The following NUTF2 variants were observed in gnomAD, a reference collection of about 807,000 sequenced individuals.
NUTF2 encodes the protein placental protein 15.
A neutral mutation model predicts 18.5 loss-of-function variants in NUTF2; 3 were observed. The ratio of observed to expected loss-of-function variants is 0.16; its 90% confidence interval spans 0.07 to 0.42. The LOEUF (loss-of-function observed/expected upper bound fraction) is 0.42, where lower values mean the gene tolerates loss of function less well. Among genes scored for constraint, NUTF2 ranks in the 10% least tolerant of loss-of-function variants. The pLI, the probability that NUTF2 is intolerant of heterozygous loss-of-function variation, is 0.99. For missense variants in NUTF2, 44 were observed against 160.7 expected, an observed-to-expected ratio of 0.27 and a Z score of 3.93; for synonymous variants, 51 against 57.9, an observed-to-expected ratio of 0.88 and a Z score of 0.54.
At position 67,865,238 on chromosome 16, in the gene NUTF2, C is replaced by T. The variant is rs1216428405; in HGVS notation, c.99+9C>T. On this transcript the variant is annotated intron_variant, in intron 2 of 4. Transcript: ENST00000219169. ...AACTAGGCGCAATTTACGTAAGTTT[C>T]CAGCTCTAGGGCCAGAATGGACCCT... 3 of 1,596,310 alleles carry T rather than the reference C, an allele frequency of 1.9e-6. No homozygotes were observed. Among genetic ancestry groups the T allele is most frequent in the Non-Finnish European group, 2.6e-6 (3 of 1,164,016 alleles).
chr16:67,847,139 G>C (rs1311689433), intron 1 of NUTF2, 154 bp downstream of exon 1: 1 of 150,456 alleles, frequency 6.6e-6, no homozygotes, highest in Non-Finnish European at 1.5e-5. Flanking sequence ...CATGTGTCGC[G>C]CGCGGCTCCG....
intron 1 of NUTF2, among the ~76,000 whole-genome samples, chr16:67,853,704 GTCTCACTA>G (rs1303494462): frequency 6.6e-6 from 1 of 152,084 alleles, no homozygotes; most frequent in Non-Finnish European, 1.5e-5. Flanking sequence ...GGAGACAAAA[GTCTCACTA>G]TCTTGCCCAG....
In NUTF2 at chr16:67,851,010, A is replaced by G. The variant is rs566708713; in HGVS notation, c.-30+4025A>G. ...GAGATGGGGTTTCACCATATTGGCC[A>G]GGCTAGTCTTGAACTCCTGACCTCA... On this transcript the variant is annotated intron_variant, in intron 1 of 4. Transcript: ENST00000219169. Among the ~76,000 whole-genome samples, 21 of 151,920 alleles carry G rather than the reference A, an allele frequency of 1.4e-4. No homozygotes were observed. The South Asian group carries it at 1.5e-3, about 11-fold the overall frequency.
intron 1 of NUTF2, chr16:67,847,227 TGC>T (rs1652061231): frequency 6.6e-6 from 1 of 152,116 alleles, no homozygotes; most frequent in Admixed American, 6.5e-5. Flanking sequence ...GGCCGTACCG[TGC>T]TGGTGGCTGG....
chr16:67,854,590 G>C (rs913952629), intron 1 of NUTF2, among the ~76,000 whole-genome samples: 3 of 152,222 alleles, frequency 2.0e-5, no homozygotes, highest in Non-Finnish European at 4.4e-5. Context: ...CAGAGGAATA[G>C]TCCTTTTGGG....
intron 1 of NUTF2, among the ~76,000 whole-genome samples, chr16:67,858,510 TGAG>T (rs1465916390): frequency 2.6e-5 from 4 of 152,016 alleles, no homozygotes; most frequent in Admixed American, 2.6e-4. Flanking sequence ...AAGGTGTGAA[TGAG>T]GAGGTGACAT....
intron 2 of NUTF2, among the ~76,000 whole-genome samples, chr16:67,868,031 C>A (rs955185727): frequency 1.3e-5 from 2 of 152,224 alleles, no homozygotes; most frequent in Non-Finnish European, 2.9e-5. Context: ...GACCACACAG[C>A]AGGATGGCTG....
At chr16:67,852,144 C>G (rs527886207) in intron 1 of NUTF2, among the ~76,000 whole-genome samples, 1 of 152,158 alleles carries the variant, frequency 6.6e-6, no homozygotes, top group Admixed American at 6.5e-5. Context: ...TAGCAATACC[C>G]ATTTCTACAA....
intron 1 of NUTF2, among the ~76,000 whole-genome samples, chr16:67,863,557 G>C (rs1245981163): frequency 6.6e-6 from 1 of 152,166 alleles, no homozygotes; most frequent in Non-Finnish European, 1.5e-5. Flanking sequence ...GCTTTATCAT[G>C]TTCCTTTAGA....
At chr16:67,851,677 G>A (rs565244256) in intron 1 of NUTF2, among the ~76,000 whole-genome samples, 1 of 151,860 alleles carries the variant, frequency 6.6e-6, no homozygotes, top group Non-Finnish European at 1.5e-5. Context: ...CCCAGGACAG[G>A]CCCCGGTGTG....
At chr16:67,860,422 G>A (rs1267377616) in intron 1 of NUTF2, among the ~76,000 whole-genome samples, 2 of 152,134 alleles carry the variant, frequency 1.3e-5, no homozygotes, top group African/African-American at 4.8e-5. Flanking sequence ...CTAAAGGAGT[G>A]AACCACCATG....
intron 1 of NUTF2, among the ~76,000 whole-genome samples, chr16:67,861,003 C>G (rs2057931674): frequency 6.6e-6 from 1 of 152,116 alleles, no homozygotes; most frequent in South Asian, 2.1e-4. Flanking sequence ...AGGTGGAAGC[C>G]CTGGTTCAGG....
chr16:67,849,182 C>A (rs1035962400), intron 1 of NUTF2, among the ~76,000 whole-genome samples: 3 of 152,146 alleles, frequency 2.0e-5, no homozygotes, highest in African/African-American at 7.2e-5. Flanking sequence ...GAGGGACTAC[C>A]CACAGGACAA....
intron 4 of NUTF2, among the ~76,000 whole-genome samples, chr16:67,869,646 A>T (rs1304395093): frequency 6.6e-6 from 1 of 151,226 alleles, no homozygotes; most frequent in South Asian, 2.1e-4. Context: ...TTAGCCAGGC[A>T]TGGTGGCACA....
At chr16:67,861,319 G>A (rs561243681) in intron 1 of NUTF2, among the ~76,000 whole-genome samples, 25 of 152,178 alleles carry the variant, frequency 1.6e-4, no homozygotes, top group Non-Finnish European at 3.2e-4. Context: ...AAAATGAAGT[G>A]TTCACAGCCA....
At position 67,848,314 on chromosome 16, in the gene NUTF2, G is replaced by A. The variant is rs145915952; in HGVS notation, c.-30+1329G>A. On this transcript the variant is annotated intron_variant, in intron 1 of 4. Coordinates refer to ENST00000219169, the MANE Select transcript of NUTF2 (RefSeq NM_005796.3). ...AGAAGTAGCTCAGGCCTGGCGCGGTGGCTCACGCCTGCAATCCCAGCACTT... is the reference window on the plus strand; with the variant it reads ...AGAAGTAGCTCAGGCCTGGCGCGGTAGCTCACGCCTGCAATCCCAGCACTT... Among the ~76,000 whole-genome samples the A allele has an allele frequency of 9.2e-4, 140 of 152,310 alleles. 1 individual carries two copies. The East Asian group carries it at 0.024, about 26-fold the overall frequency.
chr16:67,856,119 A>T, intron 1 of NUTF2: 1 of 460,298 alleles, frequency 2.2e-6, no homozygotes, highest in Non-Finnish European at 4.1e-6. Flanking sequence ...TTCTTGTAAC[A>T]CCTGATTTTG....
At chr16:67,852,318 G>A (rs568909994) in intron 1 of NUTF2, among the ~76,000 whole-genome samples, 3 of 151,568 alleles carry the variant, frequency 2.0e-5, no homozygotes, top group South Asian at 2.1e-4. Context: ...AAAAGGCTAG[G>A]TTTCCCTTAA....
rs1174675591 is a variant in NUTF2 at position 67,872,532 on chromosome 16, T to A, written c.*1619T>A. ...CAATACGGCTTCTTCCATGTACCTG[T>A]GCCTGAACTGTCTGCAATAAAGAAG... On this transcript the variant is annotated 3_prime_UTR_variant, in exon 5 of 5. Coordinates refer to ENST00000219169, the MANE Select transcript of NUTF2 (RefSeq NM_005796.3). 6.6e-6 allele frequency: 1 copy of A among 152,260 alleles called. No homozygotes were observed. The highest frequency in any genetic ancestry group is 2.4e-5 in the African/African-American group (1 of 41,470). The allele number at this position is 152,260 out of a possible 1,614,324, so 9.4% of individuals were successfully genotyped here.
Sources: allele counts gnomAD v4.1 joint callset (sites outside exome capture counted in the v4.1 genomes callset), GRCh38; gene constraint gnomAD v4.1.1; transcripts MANE v1.5; gene names NCBI Gene and HGNC (gene_info 2026-07-23, HGNC 2026-07-21).